PPP2R3A: variants seen among roughly 807,000 people sequenced by gnomAD.
PPP2R3A encodes serine/threonine-protein phosphatase 2A regulatory subunit B'' subunit alpha.
Under a neutral mutation model 106.9 loss-of-function variants are expected in PPP2R3A, and 80 were observed. The ratio of observed to expected loss-of-function variants is 0.75; its 90% CI spans 0.62 to 0.90. The LOEUF is 0.90. Among genes scored for constraint, PPP2R3A ranks in the 40% least tolerant of loss-of-function variants. The pLI is 0.00. For missense variants in PPP2R3A, 1,386 were observed against 1,350.4 expected, an observed-to-expected ratio of 1.03 and a Z score of -0.41; for synonymous variants, 483 against 468.3, an observed-to-expected ratio of 1.03 and a Z score of -0.41.
At chr3:135,994,866 A>T in intron 1 of PPP2R3A, among the ~76,000 whole-genome samples, 1 of 152,142 alleles carries the variant, frequency 6.6e-6, no homozygotes, top group East Asian at 1.9e-4. Flanking sequence ...TAAGGCTCTT[A>T]TCTTTCAAAA....
At chr3:136,051,976 C>T (rs889343255) in intron 5 of PPP2R3A, among the ~76,000 whole-genome samples, 3 of 152,118 alleles carry the variant, frequency 2.0e-5, no homozygotes, top group African/African-American at 7.2e-5. Context: ...TCCTTAGACT[C>T]ACCTGCTACA....
At chr3:136,006,186 C>T (rs1161793031) in intron 2 of PPP2R3A, among the ~76,000 whole-genome samples, 1 of 152,138 alleles carries the variant, frequency 6.6e-6, no homozygotes, top group Non-Finnish European at 1.5e-5. Flanking sequence ...TGTCTCCTGC[C>T]ATTCTTTTAA....
intron 9 of PPP2R3A, among the ~76,000 whole-genome samples, chr3:136,089,844 T>G (rs1226968783): frequency 6.6e-6 from 1 of 152,112 alleles, no homozygotes; most frequent in African/African-American, 2.4e-5. Context: ...TATTCCTAGG[T>G]ATTTTATTTT....
At chr3:136,069,967 A>C (rs1192185608) in intron 5 of PPP2R3A, among the ~76,000 whole-genome samples, 1 of 152,238 alleles carries the variant, frequency 6.6e-6, no homozygotes, top group Non-Finnish European at 1.5e-5. Flanking sequence ...TTATGATAAA[A>C]TCTGATGGGC....
Position 136,001,488 on chromosome 3 carries a change from G to A in PPP2R3A, c.-11G>A. On this transcript the variant is annotated 5_prime_UTR_variant, in exon 2 of 14. Transcript: ENST00000264977. Reference sequence around the variant, plus strand: ...AAGTTCCAAGTCCCACCAGTAAGTGGATTTGATATTATGGCAGCAACTTAC... The same window carrying A: ...AAGTTCCAAGTCCCACCAGTAAGTGAATTTGATATTATGGCAGCAACTTAC... 5.0e-6 allele frequency: 8 copies of A among 1,605,214 alleles called. No homozygotes were observed. The highest frequency in any genetic ancestry group is 6.8e-6 in the Non-Finnish European group (8 of 1,174,188).
intron 11 of PPP2R3A, 114 bp downstream of exon 11, chr3:136,102,296 T>G: frequency 1.7e-6 from 2 of 1,143,678 alleles, no homozygotes; most frequent in Non-Finnish European, 2.4e-6. Context: ...GAAGACTTCC[T>G]AGGACAGAAG....
intron 4 of PPP2R3A, among the ~76,000 whole-genome samples, chr3:136,045,503 G>T (rs949132405): frequency 2.0e-5 from 3 of 152,246 alleles, no homozygotes; most frequent in Non-Finnish European, 2.9e-5. Flanking sequence ...GAGCCTGGCA[G>T]TCTGGAACAC....
chr3:136,111,457 A>G (rs1191736724), intron 13 of PPP2R3A, among the ~76,000 whole-genome samples: 1 of 152,210 alleles, frequency 6.6e-6, no homozygotes, highest in African/African-American at 2.4e-5. Flanking sequence ...AAGTACATTA[A>G]TCAGCATTCT....
intron 1 of PPP2R3A, among the ~76,000 whole-genome samples, chr3:135,977,688 CTTTTTTTT>C (rs66592538): frequency 4.9e-5 from 3 of 61,124 alleles, no homozygotes; most frequent in African/African-American, 2.1e-4. Flanking sequence ...GATCAGCATT[CTTTTTTTT>C]TTTTTTTTTT....
chr3:136,120,370 T>C (rs552344428), intron 13 of PPP2R3A, among the ~76,000 whole-genome samples: 1 of 152,182 alleles, frequency 6.6e-6, no homozygotes, highest in East Asian at 1.9e-4. Flanking sequence ...GACAGATCAC[T>C]TGAGGTCAGG....
chr3:136,059,220 A>AT (rs996125110), intron 5 of PPP2R3A, among the ~76,000 whole-genome samples: 3 of 152,276 alleles, frequency 2.0e-5, no homozygotes, highest in African/African-American at 7.2e-5. Context: ...ATGGGAGAAA[A>AT]TTTTTACAAA....
chr3:136,008,788 G>A (rs191448150), intron 2 of PPP2R3A, among the ~76,000 whole-genome samples: 17 of 152,062 alleles, frequency 1.1e-4, no homozygotes, highest in African/African-American at 4.1e-4. Context: ...CTCCACCCTT[G>A]GCAGGAGTGA....
chr3:135,977,688 CTTTTTTTTTTTTTTTTT>C (rs66592538), intron 1 of PPP2R3A, among the ~76,000 whole-genome samples: 5 of 61,098 alleles, frequency 8.2e-5, no homozygotes, highest in South Asian at 1.5e-3. Flanking sequence ...GATCAGCATT[CTTTTTTTTTTTTTTTTT>C]TTTTTTTTTT....
intron 1 of PPP2R3A, among the ~76,000 whole-genome samples, chr3:135,976,139 C>T (rs953855126): frequency 1.3e-5 from 2 of 152,196 alleles, no homozygotes; most frequent in Non-Finnish European, 2.9e-5. Context: ...GGAACCCCAG[C>T]TTTTACCCAG....
chr3:136,145,198 T>G lies in PPP2R3A; in HGVS notation c.*32T>G, dbSNP rs760058823. 2.5e-6 allele frequency: 4 copies of G among 1,583,996 alleles called. No individual in the cohort carries two copies. Among genetic ancestry groups the G allele is most frequent in the Non-Finnish European group, 3.4e-6 (4 of 1,169,138 alleles). ...GTGTCTACAATGAAACGAAGATGTG[T>G]ATTTTAAATGTTTCTTTCTTGTGAA... is the stretch of plus-strand genomic sequence containing the variant. On this transcript the variant is annotated 3_prime_UTR_variant, in exon 14 of 14. Transcript: ENST00000264977.
rs1934691296 is a variant in PPP2R3A, at chr3:136,027,086, GA to G, written c.2254del (p.Ile752LeufsTer27). 1 of 1,612,540 alleles carries G rather than the reference GA, an allele frequency of 6.2e-7. No homozygotes were observed. The highest frequency in any genetic ancestry group is 8.5e-7 in the Non-Finnish European group (1 of 1,179,300). On this transcript the variant is annotated frameshift_variant, in exon 3 of 14. Coordinates refer to ENST00000264977, the MANE Select transcript of PPP2R3A (RefSeq NM_002718.5). LOFTEE classifies it high-confidence loss of function. ...AGAAAGCAGACATTTATGAAATGGG[GA>G]AAATTGCAAAGGTAATGTAACTACT... Reference protein sequence around the residue: ...EQKADIYEMGKIAKVCGCPLY... With the variant: ...EQKADIYEMGXIAKVCGCPLY...
Position 136,106,281 on chromosome 3 carries a change from G to C in PPP2R3A, c.3288G>C (p.Thr1096=), listed in dbSNP as rs779583751. 1.9e-6 allele frequency: 3 copies of C among 1,613,792 alleles called. No individual in the cohort carries two copies. In the Admixed American group the frequency reaches 5.0e-5, roughly 27 times the overall value. Residue 1096 remains threonine (T), a synonymous_variant, in exon 13 of 14, where the codon ACG becomes ACC. Transcript: ENST00000264977. ...GGTTTGCCGCTGAGGAGTATGAGACGCTTGTTGCAGAGGAATCTGCCCAAG... is the reference window on the plus strand; with the variant it reads ...GGTTTGCCGCTGAGGAGTATGAGACCCTTGTTGCAGAGGAATCTGCCCAAG... ...WDRFAAEEYE[T]LVAEESAQAQ...
At chr3:135,975,659 TC>T (rs932571728) in intron 1 of PPP2R3A, among the ~76,000 whole-genome samples, 1 of 152,178 alleles carries the variant, frequency 6.6e-6, no homozygotes, top group Non-Finnish European at 1.5e-5. Flanking sequence ...TTCCAATTTT[TC>T]CGTGTTTTAA....
rs1939120765 is a variant in PPP2R3A at position 136,146,223 on chromosome 3, T to C, written c.*1057T>C. ...GTTATTTACTGTAGTTGTAGATGTATTCACTACAGAATCCTACATTTTTCA... is the reference window on the plus strand; with the variant it reads ...GTTATTTACTGTAGTTGTAGATGTACTCACTACAGAATCCTACATTTTTCA... On this transcript the variant is annotated 3_prime_UTR_variant, in exon 14 of 14. Transcript: ENST00000264977. The C allele has an allele frequency of 6.6e-6, 1 of 152,206 alleles. No homozygotes were observed. The highest frequency in any genetic ancestry group is 2.1e-4 in the South Asian group (1 of 4,832). 9.4% of individuals were successfully genotyped at this position (152,206 alleles called of 1,614,324 possible).
Sources: allele counts gnomAD v4.1 joint callset (sites outside exome capture counted in the v4.1 genomes callset), GRCh38; gene constraint gnomAD v4.1.1; transcripts MANE v1.5; gene names NCBI Gene and HGNC (gene_info 2026-07-23, HGNC 2026-07-21).